ARSI: variants seen among roughly 807,000 people sequenced by gnomAD.
The protein encoded by ARSI is arylsulfatase family member I, also known as arylsulfatase I.
ARSI carries 37 observed loss-of-function variants against 42.1 expected under a neutral mutation model. The ratio of observed to expected loss-of-function variants is 0.88; its 90% confidence interval spans 0.68 to 1.16. The LOEUF is 1.16. ARSI is among the 50% of genes most tolerant of loss of function. ARSI has a pLI of 0.00. For missense variants in ARSI, 725 were observed against 790.1 expected (o/e 0.92, Z 0.99); for synonymous variants, 305 against 320.3 (o/e 0.95, Z 0.51).
chr5:150,301,913 C>T, intron 1 of ARSI, 150 bp downstream of exon 1: 1 of 794,322 alleles, frequency 1.3e-6, no homozygotes. Flanking sequence ...GTAATTGAGG[C>T]CTAGAGAGGG....
At chr5:150,300,596 G>T (rs1330410366) in intron 1 of ARSI, among the ~76,000 whole-genome samples, 3 of 152,154 alleles carry the variant, frequency 2.0e-5, no homozygotes, top group African/African-American at 7.2e-5. Flanking sequence ...GAGAAACTTT[G>T]CCTCTCTCCA....
rs149473787 is a variant in ARSI at position 150,297,503 on chromosome 5, C to G, written c.1421G>C (p.Arg474Pro). The G allele has an allele frequency of 5.0e-5, 80 of 1,613,824 alleles. No homozygotes were observed. The African/African-American group carries it at 8.9e-4, about 18-fold the overall frequency. Residue 474 changes from arginine to proline, a missense_variant, in exon 2 of 2, where the codon CGG becomes CCG. Transcript: ENST00000328668. This position sits in a 1 kb window ranked among gnomAD's most constrained non-coding sequence, Gnocchi z 7.0. ...AGGCCGCTGGCCAGCCAGGTCCTCC[C>G]GTTCATAAGGGTCAGCACTGATGTT... ...LFNISADPYEREDLAGQRPDV... is the reference protein window; with the variant it reads ...LFNISADPYEPEDLAGQRPDV...
intron 1 of ARSI, among the ~76,000 whole-genome samples, chr5:150,301,456 CAG>C (rs1757918411): frequency 6.6e-6 from 1 of 152,148 alleles, no homozygotes; most frequent in African/African-American, 2.4e-5. Flanking sequence ...AACAGAGGCT[CAG>C]AGAAATGAAG....
chr5:150,297,900 G>A lies in ARSI; in HGVS notation c.1024C>T (p.Arg342Trp), dbSNP rs138479416. Reference protein sequence around the residue: ...PLLKRKQRTSRALMHITDWYP... With the variant: ...PLLKRKQRTSWALMHITDWYP... ...CAGTCAGTGATGTGCATCAGTGCCC[G>A]GCTTGTCCGTTGCTTTCGCTTGAGC... Residue 342 changes from arginine to tryptophan, a missense_variant, in exon 2 of 2, where the codon CGG becomes TGG. Coordinates refer to ENST00000328668, the MANE Select transcript of ARSI (RefSeq NM_001012301.4). The surrounding 1 kb of genome is among the most constrained non-coding windows in gnomAD (Gnocchi z 7.0). The A allele has an allele frequency of 1.2e-5, 20 of 1,612,064 alleles. No homozygotes were observed. The African/African-American group carries it at 1.3e-4, about 11-fold the overall frequency.
Position 150,297,960 on chromosome 5 carries a change from C to A in ARSI, c.964G>T (p.Gly322Cys). 1 of 1,611,982 alleles carries A rather than the reference C, an allele frequency of 6.2e-7. No homozygotes were observed. Among genetic ancestry groups the A allele is most frequent in the East Asian group, 2.2e-5 (1 of 44,878 alleles). The stretch of plus-strand genomic sequence containing the variant: ...TGGACAAAGCCTAGGCCCCGCACGC[C>A]ACCTTCCCAATAAGTGCCCTTGCGT... Reference protein sequence around the residue: ...RGRKGTYWEGGVRGLGFVHSP... With the variant: ...RGRKGTYWEGCVRGLGFVHSP... Residue 322 changes from glycine (G) to cysteine (C), a missense_variant, in exon 2 of 2, where the codon GGC becomes TGC. Coordinates refer to ENST00000328668, the MANE Select transcript of ARSI (RefSeq NM_001012301.4). This position sits in a 1 kb window ranked among gnomAD's most constrained non-coding sequence, Gnocchi z 7.0.
chr5:150,302,147 C>T lies in ARSI; in HGVS notation c.227G>A (p.Arg76Lys). ...CAACTTGACCCCCTTGGCCGCCAGCCTGTCCAGCGTAGGGGTCTCGATATC... is the reference window on the plus strand; with the variant it reads ...CAACTTGACCCCCTTGGCCGCCAGCTTGTCCAGCGTAGGGGTCTCGATATC... ...GSDIETPTLD[R>K]LAAKGVKLEN... The change falls in exon 1 of 2, where the codon AGG (arginine) becomes AAG (lysine). Residue 76 changes from arginine (R) to lysine (K), a missense_variant. Transcript: ENST00000328668. This position sits in a 1 kb window ranked among gnomAD's most constrained non-coding sequence, Gnocchi z 6.1. 2 of 1,613,804 alleles carry T rather than the reference C, an allele frequency of 1.2e-6. No individual in the cohort carries two copies. Among genetic ancestry groups the T allele is most frequent in the South Asian group, 2.2e-5 (2 of 90,926 alleles).
Position 150,302,052 on chromosome 5 carries a change from G to A in ARSI, c.311+11C>T, listed in dbSNP as rs1393312881. ...TAGATGCCCAGCCCCGGGGCCTTGA[G>A]CCACGCCTACCTGCCAGTGAGGAGC... On this transcript the variant is annotated intron_variant, in intron 1 of 1. Transcript: ENST00000328668. The surrounding 1 kb of genome is among the most constrained non-coding windows in gnomAD (Gnocchi z 6.1). 1 of 1,561,906 alleles carries A rather than the reference G, an allele frequency of 6.4e-7. No individual in the cohort carries two copies. Among genetic ancestry groups the A allele is most frequent in the Non-Finnish European group, 8.7e-7 (1 of 1,152,452 alleles).
chr5:150,297,971 T>A lies in ARSI; in HGVS notation c.953A>T (p.Tyr318Phe). 1 of 1,612,274 alleles carries A rather than the reference T, an allele frequency of 6.2e-7. No individual in the cohort carries two copies. Residue 318 changes from tyrosine (Y) to phenylalanine (F), a missense_variant, in exon 2 of 2, where the codon TAT (tyrosine) becomes TTT (phenylalanine). Physicochemically the swap from Tyr to Phe is conservative, Grantham distance 22. Coordinates refer to ENST00000328668, the MANE Select transcript of ARSI (RefSeq NM_001012301.4). This position sits in a 1 kb window ranked among gnomAD's most constrained non-coding sequence, Gnocchi z 7.0. ...TAGGCCCCGCACGCCACCTTCCCAA[T>A]AAGTGCCCTTGCGTCCTCGGAGCGG... is the stretch of plus-strand genomic sequence containing the variant. ...NWPLRGRKGTYWEGGVRGLGF... is the reference protein window; with the variant it reads ...NWPLRGRKGTFWEGGVRGLGF...
Position 150,297,503 on chromosome 5 carries a change from C to T in ARSI, c.1421G>A (p.Arg474Gln), listed in dbSNP as rs149473787. ...AGGCCGCTGGCCAGCCAGGTCCTCCCGTTCATAAGGGTCAGCACTGATGTT... is the reference window on the plus strand; with the variant it reads ...AGGCCGCTGGCCAGCCAGGTCCTCCTGTTCATAAGGGTCAGCACTGATGTT... ...LFNISADPYE[R>Q]EDLAGQRPDV... The change falls in exon 2 of 2, where the codon CGG becomes CAG. Residue 474 changes from arginine to glutamine, a missense_variant. Physicochemically the swap from Arg to Gln is conservative, Grantham distance 43 (BLOSUM62 1). Transcript: ENST00000328668. This position sits in a 1 kb window ranked among gnomAD's most constrained non-coding sequence, Gnocchi z 7.0. 123 of 1,613,822 alleles carry T rather than the reference C, an allele frequency of 7.6e-5. No individual in the cohort carries two copies. Among genetic ancestry groups the T allele is most frequent in the Admixed American group, 1.5e-4 (9 of 60,002 alleles).
intron 1 of ARSI, among the ~76,000 whole-genome samples, chr5:150,300,220 A>T (rs762747510): frequency 2.6e-5 from 4 of 152,220 alleles, no homozygotes; most frequent in Non-Finnish European, 5.9e-5. Context: ...CCATACACAT[A>T]CATTATCTCA....
Sources: allele counts gnomAD v4.1 joint callset (sites outside exome capture counted in the v4.1 genomes callset), GRCh38; gene constraint gnomAD v4.1.1; non-coding constraint Gnocchi (gnomAD v3.1); transcripts MANE v1.5; gene names NCBI Gene and HGNC (gene_info 2026-07-23, HGNC 2026-07-21).